The following TDRD3 variants were observed in gnomAD, a reference collection of about 807,000 sequenced individuals.
TDRD3 encodes the protein tudor domain containing 3.
TDRD3 carries 45 observed loss-of-function variants against 86.7 expected under a neutral mutation model. That is an observed-to-expected ratio of 0.52 (90% confidence interval 0.41 to 0.67). TDRD3 has a LOEUF of 0.67. TDRD3 is among the 30% of genes least tolerant of loss of function. TDRD3 has a pLI of 0.00. For missense variants in TDRD3, 814 were observed against 889.0 expected (o/e 0.92, Z 1.07); for synonymous variants, 298 against 301.7 (o/e 0.99, Z 0.13).
chr13:60,478,291 ATTTTTTTT>A (rs34449105), intron 5 of TDRD3, among the ~76,000 whole-genome samples: 6 of 74,304 alleles, frequency 8.1e-5, no homozygotes, highest in African/African-American at 4.0e-4. Flanking sequence ...CAGTCTACCA[ATTTTTTTT>A]TTTTTTTTTT....
intron 12 of TDRD3, among the ~76,000 whole-genome samples, chr13:60,542,823 C>A (rs1566290076): frequency 6.6e-6 from 1 of 151,856 alleles, no homozygotes; most frequent in Non-Finnish European, 1.5e-5. Flanking sequence ...TTTTAAATTT[C>A]TTTTTCTTTT....
chr13:60,529,494 A>T (rs1159513563), intron 11 of TDRD3, among the ~76,000 whole-genome samples: 1 of 152,116 alleles, frequency 6.6e-6, no homozygotes, highest in Non-Finnish European at 1.5e-5. Context: ...TGTGAAGTTG[A>T]GCTTTATTTT....
intron 3 of TDRD3, among the ~76,000 whole-genome samples, chr13:60,459,597 C>G (rs1423359323): frequency 6.6e-6 from 1 of 152,204 alleles, no homozygotes; most frequent in African/African-American, 2.4e-5. Context: ...GCACTTTAAA[C>G]TTGATGTCTC....
At chr13:60,446,949 T>C (rs982663794) in intron 3 of TDRD3, among the ~76,000 whole-genome samples, 2 of 152,220 alleles carry the variant, frequency 1.3e-5, no homozygotes, top group African/African-American at 4.8e-5. Context: ...GTTATAGTTC[T>C]TGTTTAAATC....
At chr13:60,400,079 A>G (rs190690460) in intron 1 of TDRD3, among the ~76,000 whole-genome samples, 1 of 152,354 alleles carries the variant, frequency 6.6e-6, no homozygotes, top group East Asian at 1.9e-4. Context: ...GCTGATTTGA[A>G]CTTGAATGTT....
At chr13:60,508,188 A>G (rs1415455224) in intron 8 of TDRD3, among the ~76,000 whole-genome samples, 4 of 152,168 alleles carry the variant, frequency 2.6e-5, no homozygotes, top group Non-Finnish European at 4.4e-5. Flanking sequence ...AAATGGCCAT[A>G]CTGCCCAAAG....
intron 8 of TDRD3, among the ~76,000 whole-genome samples, chr13:60,507,209 G>A (rs1364431368): frequency 6.6e-6 from 1 of 152,088 alleles, no homozygotes; most frequent in Non-Finnish European, 1.5e-5. Flanking sequence ...CAAGTTCTTA[G>A]AGACCTACAA....
chr13:60,513,393 C>G (rs1228911675), intron 10 of TDRD3, among the ~76,000 whole-genome samples: 1 of 152,226 alleles, frequency 6.6e-6, no homozygotes, highest in Non-Finnish European at 1.5e-5. Flanking sequence ...TGGGGATTAA[C>G]ATTCAGCTCC....
chr13:60,477,279 A>T (rs1406410747), intron 5 of TDRD3, among the ~76,000 whole-genome samples: 4 of 151,824 alleles, frequency 2.6e-5, no homozygotes, highest in Non-Finnish European at 5.9e-5. Flanking sequence ...CAATGGCAGA[A>T]TCATAGTTCA....
chr13:60,526,915 A>G (rs1171395236), intron 10 of TDRD3, among the ~76,000 whole-genome samples: 3 of 151,540 alleles, frequency 2.0e-5, no homozygotes, highest in Non-Finnish European at 1.5e-5. Flanking sequence ...TCTCACTGCA[A>G]CCTCCATCTC....
chr13:60,522,625 T>C (rs917864381), intron 10 of TDRD3, among the ~76,000 whole-genome samples: 1 of 152,222 alleles, frequency 6.6e-6, no homozygotes, highest in African/African-American at 2.4e-5. Context: ...AGCTATGTAG[T>C]CTTTCTTTTG....
In TDRD3 at chr13:60,443,323, A is replaced by C. The variant is rs142281253; in HGVS notation, c.127-1360A>C. On this transcript the variant is annotated intron_variant, in intron 2 of 13. Coordinates refer to ENST00000377881, the MANE Select transcript of TDRD3 (RefSeq NM_001146070.2). ...TCCAAGTGAAAAGGCGTACAACGTGAGGTACGGTTTATATTTCTTTTAATT... is the reference window on the plus strand; with the variant it reads ...TCCAAGTGAAAAGGCGTACAACGTGCGGTACGGTTTATATTTCTTTTAATT... Among the ~76,000 whole-genome samples, 464 of 152,064 alleles carry C rather than the reference A, an allele frequency of 3.1e-3. 2 individuals carry two copies. Among genetic ancestry groups the C allele is most frequent in the African/African-American group, 0.011 (440 of 41,544 alleles).
chr13:60,470,958 C>A (rs914966459), intron 5 of TDRD3, among the ~76,000 whole-genome samples: 4 of 152,004 alleles, frequency 2.6e-5, no homozygotes, highest in African/African-American at 9.7e-5. Flanking sequence ...ATTGGCCATG[C>A]GTAGATCTTC....
chr13:60,485,510 C>A (rs538111247), intron 6 of TDRD3, among the ~76,000 whole-genome samples: 5 of 152,054 alleles, frequency 3.3e-5, no homozygotes, highest in South Asian at 2.1e-4. Flanking sequence ...TTATTTATTA[C>A]CCTAAAATGA....
At chr13:60,426,715 A>G (rs950412009) in intron 1 of TDRD3, among the ~76,000 whole-genome samples, 1 of 152,228 alleles carries the variant, frequency 6.6e-6, no homozygotes, top group African/African-American at 2.4e-5. Flanking sequence ...AGATTACTCC[A>G]TAAAAGCACC....
intron 10 of TDRD3, among the ~76,000 whole-genome samples, chr13:60,512,280 C>G (rs1957076659): frequency 6.6e-6 from 1 of 152,042 alleles, no homozygotes; most frequent in South Asian, 2.1e-4. Context: ...AAAGACCTGC[C>G]CCCATGATTT....
chr13:60,437,035 T>C (rs1955129609), intron 1 of TDRD3, among the ~76,000 whole-genome samples: 2 of 151,860 alleles, frequency 1.3e-5, no homozygotes, highest in Admixed American at 6.6e-5. Flanking sequence ...TCTAGCTGAT[T>C]AGGAAACTGA....
At chr13:60,557,002 C>T (rs1438158132) in intron 12 of TDRD3, among the ~76,000 whole-genome samples, 1 of 151,920 alleles carries the variant, frequency 6.6e-6, no homozygotes, top group Non-Finnish European at 1.5e-5. Flanking sequence ...GTCGGGAGTT[C>T]GATACCAGCC....
At chr13:60,524,494 G>A (rs1284938952) in intron 10 of TDRD3, among the ~76,000 whole-genome samples, 3 of 143,568 alleles carry the variant, frequency 2.1e-5, no homozygotes, top group Admixed American at 7.1e-5. Flanking sequence ...GCCACAGAGT[G>A]AGGCTCCATC....
Sources: gnomAD v4.1 joint callset for allele counts (sites outside exome capture counted in the v4.1 genomes callset) on GRCh38, gnomAD v4.1.1 for gene constraint, MANE v1.5 for transcripts, NCBI Gene and HGNC (gene_info 2026-07-23, HGNC 2026-07-21) for gene names.